ADGRL2: variants seen among roughly 807,000 people sequenced by gnomAD.
ADGRL2 encodes calcium-independent alpha-latrotoxin receptor 2.
Under a neutral mutation model 157.4 loss-of-function variants are expected in ADGRL2, and 44 were observed. The ratio of observed to expected loss-of-function variants is 0.28; its 90% CI spans 0.22 to 0.36. The LOEUF (loss-of-function observed/expected upper bound fraction) is 0.36, where lower values mean the gene tolerates loss of function less well. Ranked by LOEUF, ADGRL2 falls within the 10% of genes least tolerant of loss-of-function variation. The probability of loss-of-function intolerance (pLI) is 1.00; values close to 1 mark genes in which losing one functional copy is unlikely to be tolerated. For synonymous variants in ADGRL2, 585 were observed against 624.7 expected (o/e 0.94, Z 0.95); for missense variants, 1,510 against 1,768.9 (o/e 0.85, Z 2.63).
chr1:81,429,138 CTT>C (rs60847229), intron 1 of ADGRL2, among the ~76,000 whole-genome samples: 240 of 147,470 alleles, frequency 1.6e-3, no homozygotes, highest in Middle Eastern at 3.4e-3. Flanking sequence ...TCAAAAGCAG[CTT>C]TTTTTTTTTT....
intron 2 of ADGRL2, among the ~76,000 whole-genome samples, chr1:81,475,114 T>C (rs1005585938): frequency 1.3e-5 from 2 of 152,184 alleles, no homozygotes; most frequent in African/African-American, 4.8e-5. Flanking sequence ...TTGACATCAA[T>C]TGTTGCACCT....
intron 2 of ADGRL2, among the ~76,000 whole-genome samples, chr1:81,469,037 C>T (rs575993643): frequency 6.6e-6 from 1 of 152,274 alleles, no homozygotes; most frequent in Admixed American, 6.5e-5. Context: ...ACCAATCCAC[C>T]TAGCACCTGT....
At chr1:81,756,160 TTTC>T (rs2085682436) in intron 1 of ADGRL2, among the ~76,000 whole-genome samples, 1 of 152,148 alleles carries the variant, frequency 6.6e-6, no homozygotes, top group Non-Finnish European at 1.5e-5. Flanking sequence ...CCACTGGAAA[TTTC>T]TTATTTCCTT....
intron 3 of ADGRL2, among the ~76,000 whole-genome samples, chr1:81,922,716 A>C (rs2095014611): frequency 6.6e-6 from 1 of 152,136 alleles, no homozygotes; most frequent in Non-Finnish European, 1.5e-5. Context: ...AGCATCACAG[A>C]TGAATAAAAA....
rs72939069 is a variant in ADGRL2, at chr1:81,407,818, G to A, written c.-301-37218G>A. Among the ~76,000 whole-genome samples, 798 of 152,304 alleles carry A rather than the reference G, an allele frequency of 5.2e-3. 9 individuals carry two copies. The highest frequency in any genetic ancestry group is 0.018 in the African/African-American group (765 of 41,566). On this transcript the variant is annotated intron_variant, in intron 1 of 24. Transcript: ENST00000370721. The stretch of plus-strand genomic sequence containing the variant: ...GGGGAAGGAGAAAAGAAGGGAGAGG[G>A]AGGAGCCAGAGGGTTGAAGGGGGGC...
At chr1:81,311,515 C>G (rs1479441106) in intron 1 of ADGRL2, among the ~76,000 whole-genome samples, 1 of 152,136 alleles carries the variant, frequency 6.6e-6, no homozygotes, top group Non-Finnish European at 1.5e-5. Flanking sequence ...GTCCTAGCCT[C>G]AGCACTAAGA....
At chr1:81,475,057 G>GC (rs1287687766) in intron 2 of ADGRL2, among the ~76,000 whole-genome samples, 3 of 152,056 alleles carry the variant, frequency 2.0e-5, no homozygotes, top group Non-Finnish European at 2.9e-5. Context: ...CGTTCCTTAG[G>GC]CCCCCCAAGT....
chr1:81,397,510 G>A (rs1245776892), intron 1 of ADGRL2, among the ~76,000 whole-genome samples: 2 of 151,506 alleles, frequency 1.3e-5, no homozygotes, highest in African/African-American at 2.4e-5. Flanking sequence ...TAGTAGAGAC[G>A]GGGTTTCACT....
chr1:81,549,250 T>G (rs2080088511), intron 2 of ADGRL2, among the ~76,000 whole-genome samples: 1 of 152,200 alleles, frequency 6.6e-6, no homozygotes, highest in Non-Finnish European at 1.5e-5. Context: ...GGGTAGGTTT[T>G]GAGATACACA....
chr1:81,430,045 C>T (rs574328670), intron 1 of ADGRL2, among the ~76,000 whole-genome samples: 10 of 152,232 alleles, frequency 6.6e-5, no homozygotes, highest in African/African-American at 2.4e-4. Flanking sequence ...AGGCATGCAC[C>T]GCCACGCCTG....
At chr1:81,592,094 G>A (rs1294431918) in intron 3 of ADGRL2, among the ~76,000 whole-genome samples, 1 of 152,114 alleles carries the variant, frequency 6.6e-6, no homozygotes, top group East Asian at 1.9e-4. Flanking sequence ...ATGCATCAGT[G>A]ATATTTAGCA....
chr1:81,974,244 G>C (rs1214783059), intron 17 of ADGRL2, among the ~76,000 whole-genome samples: 2 of 152,144 alleles, frequency 1.3e-5, no homozygotes, highest in Non-Finnish European at 2.9e-5. Flanking sequence ...TTGCCTACAG[G>C]CACTAGAGTT....
At position 81,571,580 on chromosome 1, in the gene ADGRL2, T is replaced by C. The variant is rs749246672; in HGVS notation, c.-247-9296T>C. ...GATGTTAAGTTGTTTGTCCGGCCCATAAAATATTGTACAATTTTAGGAAAG... is the reference window on the plus strand; with the variant it reads ...GATGTTAAGTTGTTTGTCCGGCCCACAAAATATTGTACAATTTTAGGAAAG... On this transcript the variant is annotated intron_variant, in intron 2 of 24. Transcript: ENST00000370721. Among the ~76,000 whole-genome samples the C allele has an allele frequency of 8.5e-4, 129 of 151,656 alleles. 1 individual carries two copies. The highest frequency in any genetic ancestry group is 1.5e-3 in the Non-Finnish European group (105 of 67,956).
At chr1:81,800,695 A>C (rs948414092), upstream of ADGRL2, among the ~76,000 whole-genome samples, 9 of 151,986 alleles carry the variant, frequency 5.9e-5, no homozygotes, top group Non-Finnish European at 1.2e-4. Flanking sequence ...AAATGTTTTT[A>C]AAGTGCATGT....
intron 1 of ADGRL2, among the ~76,000 whole-genome samples, chr1:81,371,188 G>A (rs991929398): frequency 5.3e-5 from 8 of 152,250 alleles, no homozygotes; most frequent in Non-Finnish European, 1.0e-4. Context: ...TACTAGAACC[G>A]ACCACCTCAC....
intron 3 of ADGRL2, among the ~76,000 whole-genome samples, chr1:81,669,819 C>T (rs1275833920): frequency 3.3e-5 from 5 of 151,332 alleles, no homozygotes; most frequent in South Asian, 2.1e-4. Flanking sequence ...GGCTGGTGCC[C>T]GTAGTCCCAG....
intron 2 of ADGRL2, among the ~76,000 whole-genome samples, chr1:81,896,510 A>G (rs638113): frequency 0.067 from 10,194 of 151,988 alleles, 1,033 homozygotes; most frequent in African/African-American, 0.22. Flanking sequence ...TGATATCTGG[A>G]TTTTTGAAAA....
At chr1:81,398,426 A>C (rs1346637880) in intron 1 of ADGRL2, among the ~76,000 whole-genome samples, 1 of 152,044 alleles carries the variant, frequency 6.6e-6, no homozygotes, top group African/African-American at 2.4e-5. Context: ...GGTTTTCTGT[A>C]ATGAAAGTAT....
upstream of ADGRL2, among the ~76,000 whole-genome samples, chr1:81,799,522 AG>A (rs1250499144): frequency 6.6e-6 from 1 of 152,256 alleles, no homozygotes; most frequent in Non-Finnish European, 1.5e-5. Context: ...AAACTTGACC[AG>A]TAGTTGGATT....
Sources: allele counts gnomAD v4.1 joint callset (sites outside exome capture counted in the v4.1 genomes callset), GRCh38; gene constraint gnomAD v4.1.1; transcripts MANE v1.5; gene names NCBI Gene and HGNC (gene_info 2026-07-23, HGNC 2026-07-21).